The following MGA variants were observed in gnomAD, a reference collection of about 807,000 sequenced individuals.
MGA encodes MAX gene-associated protein.
Under a neutral mutation model 261.1 loss-of-function variants are expected in MGA, and 40 were observed. The ratio of observed to expected loss-of-function variants is 0.15; its 90% CI spans 0.12 to 0.20. The LOEUF (loss-of-function observed/expected upper bound fraction) is 0.20. MGA is among the 10% of genes least tolerant of loss of function. MGA has a pLI of 1.00. For missense variants in MGA, 3,397 were observed against 3,630.5 expected, an observed-to-expected ratio of 0.94 and a Z score of 1.65; for synonymous variants, 1,302 against 1,290.6, an observed-to-expected ratio of 1.01 and a Z score of -0.19.
chr15:41,737,156 T>A (rs902194285), intron 13 of MGA, among the ~76,000 whole-genome samples: 2 of 152,138 alleles, frequency 1.3e-5, no homozygotes, highest in Admixed American at 6.5e-5. Context: ...GGGAAAATTT[T>A]AAAAATTTTT....
intron 5 of MGA, among the ~76,000 whole-genome samples, chr15:41,703,386 C>T (rs2059955789): frequency 6.8e-6 from 1 of 147,334 alleles, no homozygotes; most frequent in Non-Finnish European, 1.5e-5. Flanking sequence ...CCCCACTCCC[C>T]ACCCTCCCTT....
intron 2 of MGA, among the ~76,000 whole-genome samples, chr15:41,694,596 G>A (rs1321463887): frequency 2.0e-5 from 3 of 150,890 alleles, no homozygotes; most frequent in Non-Finnish European, 4.4e-5. Context: ...GCACGATCTC[G>A]GCTCACTGCA....
At chr15:41,635,157 A>G (rs1031404141) in intron 1 of MGA, among the ~76,000 whole-genome samples, 1 of 151,596 alleles carries the variant, frequency 6.6e-6, no homozygotes, top group Middle Eastern at 3.2e-3. Flanking sequence ...AACATGGCAA[A>G]ACCCCATCTC....
At chr15:41,651,935 C>G (rs552902509) in intron 1 of MGA, among the ~76,000 whole-genome samples, 1 of 69,172 alleles carries the variant, frequency 1.4e-5, no homozygotes, top group East Asian at 3.9e-4. Context: ...CTCTCCCTCC[C>G]CCCGTCTCTC....
At chr15:41,656,343 CTTCT>C (rs1314352400), upstream of MGA, among the ~76,000 whole-genome samples, 2 of 37,652 alleles carry the variant, frequency 5.3e-5, no homozygotes, top group African/African-American at 1.1e-4. Context: ...CCTCTCCTCT[CTTCT>C]CTCTCTCTCT....
At chr15:41,656,040 G>A (rs994245655), upstream of MGA, among the ~76,000 whole-genome samples, 1 of 152,134 alleles carries the variant, frequency 6.6e-6, no homozygotes, top group African/African-American at 2.4e-5. Flanking sequence ...GGAGCTAATG[G>A]TCTAATGCGG....
At position 41,766,208 on chromosome 15, in the gene MGA, G is replaced by T. The variant is rs372293764; in HGVS notation, c.8126G>T (p.Gly2709Val). Residue 2709 changes from glycine (G) to valine (V), a missense_variant, in exon 24 of 24, where the codon GGC becomes GTC. Transcript: ENST00000219905. ...ATCTCTTCCAGAGGAAACAGAGATG[G>T]CAGAGTGACGTTGGGTCCAACGCAG... The T allele has an allele frequency of 1.7e-5, 28 of 1,613,822 alleles. No individual in the cohort carries two copies. The highest frequency in any genetic ancestry group is 2.4e-5 in the Non-Finnish European group (28 of 1,179,856).
chr15:41,706,593 T>TC, intron 5 of MGA, among the ~76,000 whole-genome samples: 1 of 151,040 alleles, frequency 6.6e-6, no homozygotes, highest in Admixed American at 6.6e-5. Flanking sequence ...CCCTTTTTTT[T>TC]TTTTTGAGAT....
At chr15:41,695,640 C>A (rs1456721222) in intron 2 of MGA, among the ~76,000 whole-genome samples, 1 of 152,150 alleles carries the variant, frequency 6.6e-6, no homozygotes, top group Non-Finnish European at 1.5e-5. Context: ...CTTTAACTCC[C>A]TATCTTTTAT....
intron 8 of MGA, among the ~76,000 whole-genome samples, chr15:41,712,291 G>A (rs1004889485): frequency 7.9e-5 from 12 of 152,090 alleles, no homozygotes; most frequent in African/African-American, 2.9e-4. Context: ...CTGGAGTTTA[G>A]TGGCGTGATC....
intron 9 of MGA, among the ~76,000 whole-genome samples, chr15:41,725,158 A>AT (rs1220717120): frequency 6.6e-6 from 1 of 152,166 alleles, no homozygotes; most frequent in Non-Finnish European, 1.5e-5. Context: ...CTTTATGGGA[A>AT]TGGGCAGTTT....
intron 1 of MGA, among the ~76,000 whole-genome samples, chr15:41,636,475 T>C (rs2150583382): frequency 6.6e-6 from 1 of 150,800 alleles, no homozygotes; most frequent in African/African-American, 2.4e-5. Flanking sequence ...TTTTTTTTTT[T>C]TTTGAGATGG....
intron 2 of MGA, among the ~76,000 whole-genome samples, chr15:41,674,542 CAG>C (rs2058271596): frequency 6.6e-6 from 1 of 151,268 alleles, no homozygotes; most frequent in Admixed American, 6.6e-5. Flanking sequence ...TTTTTTTAGA[CAG>C]AGTCTTGCTG....
intron 11 of MGA, among the ~76,000 whole-genome samples, chr15:41,732,289 A>G (rs2061551353): frequency 6.6e-6 from 1 of 151,916 alleles, no homozygotes; most frequent in Non-Finnish European, 1.5e-5. Context: ...CTGGGACTAC[A>G]GGCACCCGCC....
chr15:41,663,317 AT>A (rs1260484498), intron 1 of MGA, among the ~76,000 whole-genome samples: 1 of 152,104 alleles, frequency 6.6e-6, no homozygotes, highest in Admixed American at 6.6e-5. Context: ...TAAAAAAAAA[AT>A]TTGATGTTGA....
At chr15:41,622,419 C>T (rs1345139023) in intron 1 of MGA, among the ~76,000 whole-genome samples, 1 of 152,056 alleles carries the variant, frequency 6.6e-6, no homozygotes, top group Non-Finnish European at 1.5e-5. Context: ...ACCCCACAGC[C>T]ACTCCCCTCT....
chr15:41,717,086 T>C (rs543087015), intron 9 of MGA, among the ~76,000 whole-genome samples: 1 of 152,324 alleles, frequency 6.6e-6, no homozygotes, highest in South Asian at 2.1e-4. Context: ...TGACTTGTTC[T>C]CCAAGGTCAT....
rs764969290 is a variant in MGA at position 41,750,199 on chromosome 15, G to A, written c.6592G>A (p.Asp2198Asn). 3 of 1,613,904 alleles carry A rather than the reference G, an allele frequency of 1.9e-6. 1 individual carries two copies. In the South Asian group the frequency reaches 3.3e-5, roughly 18 times the overall value. The change falls in exon 17 of 24, where the codon GAC becomes AAC. Residue 2198 changes from aspartate (D) to asparagine (N), a missense_variant. Asp to Asn is a conservative substitution (Grantham distance 23, BLOSUM62 1). This residue lies in a region of MGA where 1,410 missense variants were observed against 1,386.4 expected (regional missense o/e 1.02). Coordinates refer to ENST00000219905, the MANE Select transcript of MGA (RefSeq NM_001164273.2). ...TTCACAGGAATGTAAGAAAGAGGCA[G>A]ACGAGCAGTTAATTAAAGAAACAAA...
chr15:41,673,765 A>T (rs2058218636), intron 2 of MGA, among the ~76,000 whole-genome samples: 1 of 151,010 alleles, frequency 6.6e-6, no homozygotes, highest in African/African-American at 2.4e-5. Context: ...CTGGTCTCGA[A>T]CTCATGACCT....
Sources: gnomAD v4.1 joint callset for allele counts (sites outside exome capture counted in the v4.1 genomes callset) on GRCh38, gnomAD v4.1.1 for gene constraint, gnomAD v4.1.1 regional missense constraint, MANE v1.5 for transcripts, NCBI Gene and HGNC (gene_info 2026-07-23, HGNC 2026-07-21) for gene names.